The following CUEDC1 variants were observed in gnomAD, a reference collection of about 807,000 sequenced individuals.
CUEDC1 encodes CUE domain containing 1.
A neutral mutation model predicts 43.7 loss-of-function variants in CUEDC1; 30 were observed. That is an observed-to-expected ratio of 0.69 (90% CI 0.51 to 0.93). The LOEUF is 0.93. Among genes scored for constraint, CUEDC1 ranks in the 40% least tolerant of loss-of-function variants. The pLI is 0.00. For missense variants in CUEDC1, 486 were observed against 549.0 expected, an observed-to-expected ratio of 0.89 and a Z score of 1.15; for synonymous variants, 223 against 223.6, an observed-to-expected ratio of 1.00 and a Z score of 0.02.
chr17:57,862,797 TGAGG>T lies in CUEDC1; in HGVS notation c.*488_*491del, dbSNP rs2073900218. The T allele has an allele frequency of 6.6e-6, 1 of 151,790 alleles. No individual in the cohort carries two copies. Among genetic ancestry groups the T allele is most frequent in the Admixed American group, 6.6e-5 (1 of 15,224 alleles). The allele number at this position is 151,790 out of a possible 1,614,324, so 9.4% of individuals were successfully genotyped here. ...AAGGGCACAAGTGCCCGGAGGGAGC[TGAGG>T]AAGGGGGACCAGAAGGGAGCTGAGG... On this transcript the variant is annotated 3_prime_UTR_variant, in exon 11 of 11. Transcript: ENST00000577830.
intron 1 of CUEDC1, among the ~76,000 whole-genome samples, chr17:57,921,989 T>A (rs2074702937): frequency 6.6e-6 from 1 of 152,152 alleles, no homozygotes; most frequent in African/African-American, 2.4e-5. Context: ...GGCACGTGCC[T>A]GTAGTTCCAG....
At chr17:57,915,548 A>G (rs994596680) in intron 1 of CUEDC1, among the ~76,000 whole-genome samples, 2 of 152,168 alleles carry the variant, frequency 1.3e-5, no homozygotes, top group African/African-American at 4.8e-5. Context: ...GCTACGTTAA[A>G]GTTAGCACAT....
intron 1 of CUEDC1, among the ~76,000 whole-genome samples, chr17:57,908,308 A>G (rs2074549093): frequency 6.6e-6 from 1 of 152,096 alleles, no homozygotes; most frequent in Admixed American, 6.6e-5. Context: ...CTGCCTGCCT[A>G]GGCCTCCCAA....
At chr17:57,876,963 G>A (rs756953968) in intron 3 of CUEDC1, among the ~76,000 whole-genome samples, 3 of 152,314 alleles carry the variant, frequency 2.0e-5, no homozygotes, top group African/African-American at 4.8e-5. Flanking sequence ...TGAGGCAAAC[G>A]AAGCTCAGAG....
intron 3 of CUEDC1, among the ~76,000 whole-genome samples, chr17:57,878,031 C>G (rs1039138032): frequency 5.3e-5 from 8 of 152,162 alleles, no homozygotes; most frequent in African/African-American, 1.9e-4. Context: ...CTGCCAGCTC[C>G]TGGTACCACT....
At chr17:57,889,774 G>T (rs1316631707) in intron 1 of CUEDC1, among the ~76,000 whole-genome samples, 10 of 152,144 alleles carry the variant, frequency 6.6e-5, no homozygotes, top group Non-Finnish European at 1.3e-4. Context: ...ACTCTATAAG[G>T]TCTCAGAGAC....
At chr17:57,917,770 T>C (rs2074657704) in intron 1 of CUEDC1, among the ~76,000 whole-genome samples, 1 of 152,222 alleles carries the variant, frequency 6.6e-6, no homozygotes, top group Non-Finnish European at 1.5e-5. Flanking sequence ...CAGCCTCATT[T>C]AACAGGCAGA....
intron 6 of CUEDC1, among the ~76,000 whole-genome samples, chr17:57,870,962 C>T (rs1199170152): frequency 6.6e-6 from 1 of 152,158 alleles, no homozygotes; most frequent in African/African-American, 2.4e-5. Context: ...GGATTATAGG[C>T]GTGAGCCACC....
At chr17:57,867,478 C>T (rs2073976875) in intron 8 of CUEDC1, 63 bp from the exon 9 acceptor site, 2 of 1,417,940 alleles carry the variant, frequency 1.4e-6, no homozygotes, top group East Asian at 5.0e-5. Context: ...TCCTCCCAGT[C>T]CCACTGACTC....
chr17:57,872,465 G>C (rs936004908), intron 5 of CUEDC1, among the ~76,000 whole-genome samples, 198 bp downstream of exon 5: 1 of 152,164 alleles, frequency 6.6e-6, no homozygotes, highest in Non-Finnish European at 1.5e-5. Flanking sequence ...GGGAGAAAGG[G>C]GTGGGCTAGT....
chr17:57,917,961 C>T (rs1271110522), intron 1 of CUEDC1, among the ~76,000 whole-genome samples: 1 of 152,166 alleles, frequency 6.6e-6, no homozygotes, highest in Non-Finnish European at 1.5e-5. Flanking sequence ...CTCTCCTGTT[C>T]TGGACCTCAG....
intron 3 of CUEDC1, among the ~76,000 whole-genome samples, chr17:57,877,038 G>A (rs1054990508): frequency 1.3e-5 from 2 of 152,222 alleles, no homozygotes; most frequent in Non-Finnish European, 1.5e-5. Context: ...CTAGGCAGCT[G>A]AAGAAAGGGG....
intron 1 of CUEDC1, among the ~76,000 whole-genome samples, chr17:57,938,261 G>A (rs1434387367): frequency 1.3e-5 from 2 of 152,072 alleles, no homozygotes; most frequent in Non-Finnish European, 2.9e-5. Flanking sequence ...CTGTATTTAC[G>A]CAGGTGATAA....
At chr17:57,877,191 G>T (rs1330951055) in intron 3 of CUEDC1, among the ~76,000 whole-genome samples, 1 of 152,160 alleles carries the variant, frequency 6.6e-6, no homozygotes, top group East Asian at 1.9e-4. Context: ...AAGTCCACAG[G>T]GTCTCCTAAG....
At chr17:57,915,502 T>C (rs12941179) in intron 1 of CUEDC1, among the ~76,000 whole-genome samples, 19,494 of 151,972 alleles carry the variant, frequency 0.13, 1,663 homozygotes, top group African/African-American at 0.24. Flanking sequence ...TGGGCAGGGC[T>C]TGGAGTTTGC....
intron 1 of CUEDC1, among the ~76,000 whole-genome samples, chr17:57,886,817 G>GTTTT (rs777598269): frequency 6.4e-4 from 76 of 118,480 alleles, no homozygotes; most frequent in Non-Finnish European, 7.0e-4. Context: ...AATTCTGGTT[G>GTTTT]TTTTTTTTTT....
intron 1 of CUEDC1, among the ~76,000 whole-genome samples, chr17:57,889,587 A>G (rs2074334193): frequency 6.6e-6 from 1 of 152,244 alleles, no homozygotes; most frequent in Non-Finnish European, 1.5e-5. Flanking sequence ...GAAGAGCCTG[A>G]GACCCAAGTC....
In CUEDC1 at chr17:57,891,801, T is replaced by C. The variant is rs532352402; in HGVS notation, c.-315-5922A>G. On this transcript the variant is annotated intron_variant, in intron 1 of 10. Coordinates refer to ENST00000577830, the MANE Select transcript of CUEDC1 (RefSeq NM_001271875.2). ...TCTGGTCCCTACTCAACCATCACCT[T>C]GAGGGGGAACAGAGTGGCAAGTCCA... 3.9e-5 allele frequency among the ~76,000 whole-genome samples: 6 copies of C among 152,344 alleles called. 1 individual carries two copies. Among genetic ancestry groups the C allele is most frequent in the Non-Finnish European group, 8.8e-5 (6 of 68,026 alleles).
chr17:57,913,840 G>A (rs1468529105), intron 1 of CUEDC1, among the ~76,000 whole-genome samples: 6 of 152,156 alleles, frequency 3.9e-5, no homozygotes, highest in East Asian at 3.8e-4. Flanking sequence ...CTGACCCTGG[G>A]TTCTAACTCC....
Sources: gnomAD v4.1 joint callset for allele counts (sites outside exome capture counted in the v4.1 genomes callset) on GRCh38, gnomAD v4.1.1 for gene constraint, MANE v1.5 for transcripts, NCBI Gene and HGNC (gene_info 2026-07-23, HGNC 2026-07-21) for gene names.